The following NUDT13 variants were observed in gnomAD, a reference collection of about 807,000 sequenced individuals.
NUDT13 encodes nudix hydrolase 13.
NUDT13 carries 40 observed loss-of-function variants against 41.7 expected under a neutral mutation model. That is an observed-to-expected ratio of 0.96 (90% CI 0.75 to 1.25). The LOEUF (loss-of-function observed/expected upper bound fraction) is 1.25, where lower values mean the gene tolerates loss of function less well. Among genes scored for constraint, NUDT13 ranks in the 50% most tolerant of loss-of-function variants. The pLI, the probability that NUDT13 is intolerant of heterozygous loss-of-function variation, is 0.00. For missense variants in NUDT13, 390 were observed against 416.1 expected, an observed-to-expected ratio of 0.94 and a Z score of 0.55; for synonymous variants, 145 against 155.5, an observed-to-expected ratio of 0.93 and a Z score of 0.50.
intron 2 of NUDT13, among the ~76,000 whole-genome samples, chr10:73,116,174 A>AT (rs552351116): frequency 3.3e-5 from 5 of 150,630 alleles, no homozygotes; most frequent in African/African-American, 4.9e-5. Flanking sequence ...TGCCTGGCTA[A>AT]TTTTTTTTTA....
intron 8 of NUDT13, 29 bp downstream of exon 8, chr10:73,126,856 A>G (rs1303945338): frequency 1.9e-6 from 3 of 1,603,384 alleles, no homozygotes; most frequent in African/African-American, 1.3e-5. Flanking sequence ...TTATACTGTG[A>G]TATTTCTTTT....
At chr10:73,126,044 C>G (rs560303033) in intron 7 of NUDT13, 7 of 210,904 alleles carry the variant, frequency 3.3e-5, no homozygotes, top group Non-Finnish European at 6.0e-5. Context: ...CACCCATACA[C>G]CCACTACCCA....
chr10:73,111,970 G>A (rs1842375496), intron 1 of NUDT13, among the ~76,000 whole-genome samples: 1 of 151,988 alleles, frequency 6.6e-6, no homozygotes, highest in African/African-American at 2.4e-5. Flanking sequence ...AAAATTACAG[G>A]CACCTTTTTC....
rs202052984 is a variant in NUDT13 at position 73,125,179 on chromosome 10, C to T, written c.527C>T (p.Thr176Ile). The change falls in exon 6 of 9, where the codon ACC (threonine) becomes ATC (isoleucine). Residue 176 changes from threonine to isoleucine, a missense_variant. Physicochemically the swap from Thr to Ile is moderately conservative, Grantham distance 89. Transcript: ENST00000357321. ...HQFCSRSGQPTKKNVAGSKRV... is the reference protein window; with the variant it reads ...HQFCSRSGQPIKKNVAGSKRV... ...TTCTGCAGCAGAAGTGGGCAGCCCA[C>T]CAAGAAGAACGTGGCTGGCAGCAAG... is the stretch of plus-strand genomic sequence containing the variant. 136 of 1,613,576 alleles carry T rather than the reference C, an allele frequency of 8.4e-5. No individual in the cohort carries two copies. Among genetic ancestry groups the T allele is most frequent in the African/African-American group, 2.8e-4 (21 of 74,844 alleles).
intron 2 of NUDT13, among the ~76,000 whole-genome samples, chr10:73,116,020 C>A (rs577555995): frequency 6.7e-6 from 1 of 150,110 alleles, no homozygotes; most frequent in African/African-American, 2.4e-5. Flanking sequence ...TCTTTTTTTT[C>A]TTTTTGAGAC....
At position 73,130,880 on chromosome 10, in the gene NUDT13, ACCTGTTCTTC is replaced by A. The variant is rs757530999; in HGVS notation, c.1041_1050del (p.Ser348LeufsTer9). On this transcript the variant is annotated frameshift_variant, in exon 9 of 9. Transcript: ENST00000357321. LOFTEE classifies it high-confidence loss of function. ...GATTAAGGAGTGGGTGGAAAAACAG[ACCTGTTCTTC>A]CCTGCCTGCTTAGCCCGGATCAAGT... 1 of 1,613,636 alleles carries A rather than the reference ACCTGTTCTTC, an allele frequency of 6.2e-7. No individual in the cohort carries two copies. The highest frequency in any genetic ancestry group is 8.5e-7 in the Non-Finnish European group (1 of 1,179,748).
At chr10:73,120,697 G>A (rs1304192771) in intron 3 of NUDT13, among the ~76,000 whole-genome samples, 1 of 152,116 alleles carries the variant, frequency 6.6e-6, no homozygotes, top group Non-Finnish European at 1.5e-5. Context: ...CCAGCACTTT[G>A]GGAGGCCGAG....
chr10:73,115,389 G>A (rs529263379), intron 2 of NUDT13, among the ~76,000 whole-genome samples: 1 of 152,176 alleles, frequency 6.6e-6, no homozygotes, highest in South Asian at 2.1e-4. Flanking sequence ...TGTTGTCCAT[G>A]CTGGTCTGAA....
At chr10:73,115,401 T>C (rs1002444297) in intron 2 of NUDT13, among the ~76,000 whole-genome samples, 5 of 152,168 alleles carry the variant, frequency 3.3e-5, no homozygotes, top group Non-Finnish European at 5.9e-5. Context: ...TGGTCTGAAC[T>C]GAGCTCTGGC....
chr10:73,130,853 C>A lies in NUDT13; in HGVS notation c.1009C>A (p.Leu337Met). The A allele has an allele frequency of 6.2e-7, 1 of 1,614,000 alleles. No individual in the cohort carries two copies. Among genetic ancestry groups the A allele is most frequent in the Non-Finnish European group, 8.5e-7 (1 of 1,179,942 alleles). Residue 337 changes from leucine to methionine, a missense_variant, in exon 9 of 9, where the codon CTG becomes ATG. Coordinates refer to ENST00000357321, the MANE Select transcript of NUDT13 (RefSeq NM_015901.6). ...CCCTAAGTTAGCCATCTCCCACCAACTGATTAAGGAGTGGGTGGAAAAACA... is the reference window on the plus strand; with the variant it reads ...CCCTAAGTTAGCCATCTCCCACCAAATGATTAAGGAGTGGGTGGAAAAACA... ...LPPKLAISHQ[L>M]IKEWVEKQTC...
At chr10:73,126,492 G>A (rs1030559407) in intron 7 of NUDT13, 181 bp from the exon 8 acceptor site, 19 of 548,468 alleles carry the variant, frequency 3.5e-5, no homozygotes, top group African/African-American at 3.0e-4. Context: ...CTTAAGCACT[G>A]TGGTTCAACA....
intron 4 of NUDT13, 89 bp downstream of exon 4, chr10:73,122,398 G>A: frequency 1.5e-5 from 19 of 1,289,290 alleles, no homozygotes; most frequent in East Asian, 5.0e-5. Context: ...GAAAATTTGG[G>A]GAATACAAAA....
chr10:73,124,913 T>A, intron 5 of NUDT13: 1 of 503,042 alleles, frequency 2.0e-6, no homozygotes. Flanking sequence ...AAAATATGCT[T>A]TCTTTTATTC....
chr10:73,128,038 G>A (rs1053264171), intron 8 of NUDT13, among the ~76,000 whole-genome samples: 2 of 152,046 alleles, frequency 1.3e-5, no homozygotes, highest in Non-Finnish European at 2.9e-5. Flanking sequence ...TGCAATATTT[G>A]TCTTTCTGTG....
chr10:73,126,578 C>A, intron 7 of NUDT13, 95 bp from the exon 8 acceptor site: 2 of 1,380,266 alleles, frequency 1.4e-6, no homozygotes, highest in Non-Finnish European at 2.0e-6. Flanking sequence ...TTCATTGAAA[C>A]TTTGGAGCCA....
rs371353611 is a variant in NUDT13 at position 73,114,672 on chromosome 10, T to C, written c.83+224T>C. On this transcript the variant is annotated intron_variant, in intron 2 of 8. Coordinates refer to ENST00000357321, the MANE Select transcript of NUDT13 (RefSeq NM_015901.6). ...ATAACTCCTATGGCCCTTATTACAG[T>C]CTTTTGTTATAATGTGGGGCACTTT... is the stretch of plus-strand genomic sequence containing the variant. Among the ~76,000 whole-genome samples, 24 of 151,718 alleles carry C rather than the reference T, an allele frequency of 1.6e-4. 1 individual carries two copies. In the East Asian group the frequency reaches 4.7e-3, roughly 29 times the overall value.
intron 8 of NUDT13, among the ~76,000 whole-genome samples, chr10:73,129,561 T>C (rs181993364): frequency 1.1e-4 from 17 of 152,238 alleles, no homozygotes; most frequent in African/African-American, 3.9e-4. Flanking sequence ...TATTGTATGT[T>C]TTGGTTTTTA....
At chr10:73,127,512 A>T (rs1427557859) in intron 8 of NUDT13, among the ~76,000 whole-genome samples, 5 of 150,762 alleles carry the variant, frequency 3.3e-5, no homozygotes, top group East Asian at 2.0e-4. Flanking sequence ...ATTTTATTTT[A>T]TTTTTTTTGA....
At position 73,125,412 on chromosome 10, in the gene NUDT13, G is replaced by A. The variant is rs752329269; in HGVS notation, c.606G>A (p.Ala202=). ...IIYYPQMAPV[A]ITLVSDGTRC... is the part of the protein sequence containing the mutation. Reference sequence around the variant, plus strand: ...CCCTTTCCTAGATGGCTCCTGTGGCGATCACGCTGGTGTCAGATGGGACCC... The same window carrying A: ...CCCTTTCCTAGATGGCTCCTGTGGCAATCACGCTGGTGTCAGATGGGACCC... Residue 202 remains alanine (A), a synonymous_variant, in exon 7 of 9, where the codon GCG becomes GCA. Transcript: ENST00000357321. 2.5e-6 allele frequency: 4 copies of A among 1,613,454 alleles called. No homozygotes were observed. Among genetic ancestry groups the A allele is most frequent in the Non-Finnish European group, 8.5e-7 (1 of 1,179,762 alleles).
Sources: gnomAD v4.1 joint callset for allele counts (sites outside exome capture counted in the v4.1 genomes callset) on GRCh38, gnomAD v4.1.1 for gene constraint, MANE v1.5 for transcripts, NCBI Gene and HGNC (gene_info 2026-07-23, HGNC 2026-07-21) for gene names.